The following SERINC5 variants were observed in gnomAD, a reference collection of about 807,000 sequenced individuals.
The protein encoded by SERINC5 is chromosome 5 open reading frame 12.
SERINC5 carries 41 observed loss-of-function variants against 63.1 expected under a neutral mutation model. That is an observed-to-expected ratio of 0.65 (90% CI 0.51 to 0.84). The LOEUF (loss-of-function observed/expected upper bound fraction) is 0.84. Ranked by LOEUF, SERINC5 falls within the 40% of genes least tolerant of loss-of-function variation. The pLI, the probability that SERINC5 is intolerant of heterozygous loss-of-function variation, is 0.00. For synonymous variants in SERINC5, 222 were observed against 215.2 expected (o/e 1.03, Z -0.28); for missense variants, 523 against 573.0 (o/e 0.91, Z 0.89).
chr5:80,156,008 C>A (rs141151749), intron 8 of SERINC5, among the ~76,000 whole-genome samples: 23 of 152,068 alleles, frequency 1.5e-4, no homozygotes, highest in African/African-American at 4.6e-4. Flanking sequence ...GGAGATACCC[C>A]AAAGGAAACA....
At chr5:80,186,452 A>G (rs570856777) in intron 2 of SERINC5, among the ~76,000 whole-genome samples, 5 of 152,118 alleles carry the variant, frequency 3.3e-5, no homozygotes, top group African/African-American at 1.2e-4. Context: ...AGTAAGGTGA[A>G]TCTTTCCTTG....
intron 11 of SERINC5, among the ~76,000 whole-genome samples, chr5:80,126,253 G>A (rs914578705): frequency 6.6e-6 from 1 of 152,114 alleles, no homozygotes; most frequent in Admixed American, 6.5e-5. Flanking sequence ...CATCAGGAAG[G>A]CCACTATAAA....
At chr5:80,131,333 A>G (rs1287517181) in intron 11 of SERINC5, among the ~76,000 whole-genome samples, 6 of 152,186 alleles carry the variant, frequency 3.9e-5, no homozygotes, top group Non-Finnish European at 7.3e-5. Flanking sequence ...GCCTTCAGCT[A>G]TGATTCTGAG....
intron 8 of SERINC5, among the ~76,000 whole-genome samples, chr5:80,151,929 C>A (rs891363264): frequency 5.3e-5 from 8 of 150,824 alleles, no homozygotes; most frequent in African/African-American, 1.9e-4. Flanking sequence ...TGAGGCAACA[C>A]TGCGCAGTCT....
At chr5:80,203,227 A>T (rs757141514) in intron 1 of SERINC5, 174 bp from the exon 2 acceptor site, 2 of 598,784 alleles carry the variant, frequency 3.3e-6, no homozygotes, top group Admixed American at 4.8e-5. Context: ...CAACACAGCA[A>T]GAACCTGTCT....
intron 5 of SERINC5, among the ~76,000 whole-genome samples, chr5:80,172,328 A>G (rs1331577410): frequency 6.6e-6 from 1 of 152,166 alleles, no homozygotes; most frequent in African/African-American, 2.4e-5. Context: ...CTCACACAAA[A>G]AGGGAAATTG....
intron 5 of SERINC5, among the ~76,000 whole-genome samples, chr5:80,171,324 A>G (rs144552462): frequency 6.6e-6 from 1 of 152,272 alleles, no homozygotes; most frequent in African/African-American, 2.4e-5. Context: ...TTTGATAATA[A>G]TAATAAATAA....
chr5:80,167,273 C>T (rs184526901), intron 6 of SERINC5: 2 of 152,100 alleles, frequency 1.3e-5, no homozygotes, highest in African/African-American at 4.8e-5. Context: ...GTGTTGTTCC[C>T]CTCTATGTGT....
chr5:80,237,204 T>A (rs978597605), intron 1 of SERINC5, among the ~76,000 whole-genome samples: 9 of 152,206 alleles, frequency 5.9e-5, no homozygotes, highest in African/African-American at 1.9e-4. Context: ...GCAGGGGCAG[T>A]GTTTTCACAA....
At chr5:80,209,366 C>T (rs1039251337) in intron 1 of SERINC5, among the ~76,000 whole-genome samples, 13 of 152,080 alleles carry the variant, frequency 8.5e-5, no homozygotes, top group African/African-American at 3.1e-4. Context: ...CACACAGGGA[C>T]AGCACAACAA....
intron 1 of SERINC5, among the ~76,000 whole-genome samples, chr5:80,245,240 T>C (rs1752119710): frequency 6.6e-6 from 1 of 152,190 alleles, no homozygotes; most frequent in African/African-American, 2.4e-5. Flanking sequence ...ATGGGGACTT[T>C]CTTCTTGGAA....
At chr5:80,199,363 C>A (rs34061557) in intron 2 of SERINC5, among the ~76,000 whole-genome samples, 1 of 152,132 alleles carries the variant, frequency 6.6e-6, no homozygotes, top group Non-Finnish European at 1.5e-5. Flanking sequence ...GAGTACAGTG[C>A]TGATGAAGTA....
At chr5:80,206,811 C>CTTTTT (rs35026792) in intron 1 of SERINC5, among the ~76,000 whole-genome samples, 8 of 117,786 alleles carry the variant, frequency 6.8e-5, no homozygotes, top group Admixed American at 9.9e-5. Context: ...TCACTGATTG[C>CTTTTT]TTTTTTTTTT....
intron 1 of SERINC5, among the ~76,000 whole-genome samples, chr5:80,247,768 G>A (rs1301352202): frequency 3.3e-5 from 5 of 152,178 alleles, no homozygotes; most frequent in Non-Finnish European, 4.4e-5. Flanking sequence ...TGTGTTCCAA[G>A]ATCCCCAGTG....
intron 5 of SERINC5, 104 bp from the exon 6 acceptor site, chr5:80,169,650 T>C (rs896226085): frequency 1.2e-6 from 1 of 831,460 alleles, no homozygotes; most frequent in African/African-American, 1.7e-5. Context: ...TAACTAATGC[T>C]ACAGGCCACA....
chr5:80,140,805 G>A lies in SERINC5; in HGVS notation c.*2858C>T, dbSNP rs968228668. The A allele has an allele frequency of 1.0e-6, 1 of 985,028 alleles. No homozygotes were observed. Among genetic ancestry groups the A allele is most frequent in the Non-Finnish European group, 1.2e-6 (1 of 829,872 alleles). 61.0% of individuals were successfully genotyped at this position (985,028 alleles called of 1,614,324 possible). On this transcript the variant is annotated 3_prime_UTR_variant, in exon 12 of 12. Transcript: ENST00000507668. ...TTCTACATCAGACAAATCACACAGA[G>A]GAAATATTCACATGCAGCTTTAAAA...
rs1302173499 is a variant in SERINC5, at chr5:80,139,767, T to C, written c.*3896A>G. On this transcript the variant is annotated 3_prime_UTR_variant, in exon 12 of 12. Transcript: ENST00000507668. Reference sequence around the variant, plus strand: ...TTCCACAAGCCAAGTGGCTACTGCATTGTCCCTGAAGAAGGAGGGCCCAGT... The same window carrying C: ...TTCCACAAGCCAAGTGGCTACTGCACTGTCCCTGAAGAAGGAGGGCCCAGT... The C allele has an allele frequency of 1.0e-6, 1 of 985,486 alleles. No homozygotes were observed. The highest frequency in any genetic ancestry group is 5.2e-4 in the Middle Eastern group (1 of 1,914). 61.0% of individuals were successfully genotyped at this position (985,486 alleles called of 1,614,324 possible).
At chr5:80,158,469 T>C (rs987828016) in intron 8 of SERINC5, 6 of 201,142 alleles carry the variant, frequency 3.0e-5, no homozygotes, top group Non-Finnish European at 6.1e-5. Context: ...CTATCTCTTC[T>C]TCACTTTGTG....
At chr5:80,190,294 G>T (rs1313734259) in intron 2 of SERINC5, among the ~76,000 whole-genome samples, 1 of 151,332 alleles carries the variant, frequency 6.6e-6, no homozygotes, top group Admixed American at 6.6e-5. Context: ...TGTATTTTTT[G>T]TAGAGACGGG....
Sources: allele counts gnomAD v4.1 joint callset (sites outside exome capture counted in the v4.1 genomes callset), GRCh38; gene constraint gnomAD v4.1.1; transcripts MANE v1.5; gene names NCBI Gene and HGNC (gene_info 2026-07-23, HGNC 2026-07-21).